Variants in SYT1 observed in about 807,000 individuals in gnomAD.
SYT1 encodes synaptotagmin-1.
A neutral mutation model predicts 44.8 loss-of-function variants in SYT1; 8 were observed. The observed-to-expected ratio is 0.18, with a 90% CI of 0.10 to 0.32. SYT1 has a LOEUF of 0.32. Ranked by LOEUF, SYT1 falls within the 10% of genes least tolerant of loss-of-function variation. SYT1 has a pLI of 1.00. For synonymous variants in SYT1, 154 were observed against 188.8 expected (o/e 0.82, Z 1.51); for missense variants, 286 against 509.3 (o/e 0.56, Z 4.22).
At chr12:78,888,692 G>T (rs1874880330) in intron 1 of SYT1, among the ~76,000 whole-genome samples, 2 of 151,678 alleles carry the variant, frequency 1.3e-5, no homozygotes, top group Non-Finnish European at 1.5e-5. Context: ...ACTTTTTATA[G>T]TTCAGCATAC....
intron 2 of SYT1, among the ~76,000 whole-genome samples, chr12:79,040,244 G>A (rs1292670068): frequency 6.6e-6 from 1 of 150,804 alleles, no homozygotes; most frequent in Non-Finnish European, 1.5e-5. Flanking sequence ...CACCAACAGT[G>A]TAAAAGTGTT....
At chr12:79,044,912 TG>T (rs1328541252) in intron 2 of SYT1, among the ~76,000 whole-genome samples, 4 of 152,172 alleles carry the variant, frequency 2.6e-5, no homozygotes, top group Non-Finnish European at 5.9e-5. Context: ...GTGCCCCTGC[TG>T]GGGGGTGCCT....
At chr12:79,209,929 A>G (rs1874339869) in intron 3 of SYT1, among the ~76,000 whole-genome samples, 1 of 152,212 alleles carries the variant, frequency 6.6e-6, no homozygotes, top group South Asian at 2.1e-4. Flanking sequence ...TTTCTGCATT[A>G]GAAGACTTTT....
intron 1 of SYT1, among the ~76,000 whole-genome samples, chr12:78,875,232 G>A (rs1338780679): frequency 6.6e-6 from 1 of 151,522 alleles, no homozygotes; most frequent in Non-Finnish European, 1.5e-5. Flanking sequence ...TATTTCTTCG[G>A]TAAGTATGAT....
intron 9 of SYT1, among the ~76,000 whole-genome samples, chr12:79,409,947 C>A (rs1276465138): frequency 6.6e-6 from 1 of 152,016 alleles, no homozygotes; most frequent in African/African-American, 2.4e-5. Flanking sequence ...ACTCTGTTCA[C>A]TTCACTTCTA....
intron 7 of SYT1, among the ~76,000 whole-genome samples, chr12:79,298,102 GGTCT>G (rs1458563272): frequency 2.6e-5 from 4 of 152,192 alleles, no homozygotes; most frequent in African/African-American, 7.2e-5. Context: ...TCTGGTACAA[GGTCT>G]GTCTGACCCC....
chr12:78,885,332 G>C (rs1407621967), intron 1 of SYT1, among the ~76,000 whole-genome samples: 1 of 145,856 alleles, frequency 6.9e-6, no homozygotes, highest in Non-Finnish European at 1.5e-5. Flanking sequence ...AGGAAGGAGG[G>C]AAGGAAGAAA....
intron 8 of SYT1, among the ~76,000 whole-genome samples, chr12:79,310,622 T>C (rs1195324525): frequency 1.3e-5 from 2 of 152,054 alleles, no homozygotes; most frequent in African/African-American, 2.4e-5. Context: ...GCCATTTTCA[T>C]GATATTGATT....
chr12:78,913,383 A>G (rs1592552590), intron 1 of SYT1, among the ~76,000 whole-genome samples: 2 of 151,286 alleles, frequency 1.3e-5, no homozygotes, highest in Admixed American at 1.3e-4. Flanking sequence ...TATTTCTTCA[A>G]GAAACAATTT....
intron 9 of SYT1, among the ~76,000 whole-genome samples, chr12:79,378,594 T>C (rs1296655169): frequency 6.6e-6 from 1 of 152,208 alleles, no homozygotes; most frequent in Non-Finnish European, 1.5e-5. Context: ...CAAACTATTC[T>C]GATTCAAGAA....
At chr12:79,360,208 G>T (rs12316770) in intron 9 of SYT1, among the ~76,000 whole-genome samples, 4,997 of 148,680 alleles carry the variant, frequency 0.034, 88 homozygotes, top group Middle Eastern at 0.066. Flanking sequence ...TTTTTTTTTT[G>T]GGTCAGTAAC....
At chr12:79,213,696 G>A (rs756299745) in intron 3 of SYT1, among the ~76,000 whole-genome samples, 5 of 152,124 alleles carry the variant, frequency 3.3e-5, no homozygotes, top group African/African-American at 4.8e-5. Context: ...AGGCCGAAGC[G>A]GGCGGATCAC....
At chr12:79,374,840 C>A (rs959837401) in intron 9 of SYT1, among the ~76,000 whole-genome samples, 2 of 152,188 alleles carry the variant, frequency 1.3e-5, no homozygotes, top group Non-Finnish European at 2.9e-5. Context: ...GAGCTTGGAA[C>A]GAGCTCAGGG....
chr12:79,195,179 G>A (rs113749165), intron 3 of SYT1, among the ~76,000 whole-genome samples: 1,840 of 152,156 alleles, frequency 0.012, 12 homozygotes, highest in Middle Eastern at 0.027. Flanking sequence ...TATATTACAC[G>A]TAGGTGCTGG....
At chr12:79,401,007 A>G (rs933182453) in intron 9 of SYT1, among the ~76,000 whole-genome samples, 2 of 152,230 alleles carry the variant, frequency 1.3e-5, no homozygotes, top group African/African-American at 2.4e-5. Flanking sequence ...ATTGAACAAT[A>G]TGATCTTAAA....
intron 3 of SYT1, among the ~76,000 whole-genome samples, chr12:79,216,819 A>G (rs1384405360): frequency 6.6e-6 from 1 of 152,200 alleles, no homozygotes; most frequent in East Asian, 1.9e-4. Flanking sequence ...GCACCTTGAT[A>G]TATATAGTCA....
chr12:79,036,121 T>A (rs1315084373), intron 2 of SYT1, among the ~76,000 whole-genome samples: 1 of 151,768 alleles, frequency 6.6e-6, no homozygotes, highest in Non-Finnish European at 1.5e-5. Context: ...TAACAACTAC[T>A]CATTTTAAGT....
intron 1 of SYT1, among the ~76,000 whole-genome samples, chr12:78,948,467 T>A (rs1420701252): frequency 6.6e-6 from 1 of 152,046 alleles, no homozygotes; most frequent in Non-Finnish European, 1.5e-5. Flanking sequence ...ATTAGTGATA[T>A]ACATGATACA....
At chr12:79,022,364 A>G (rs1422226578) in intron 2 of SYT1, among the ~76,000 whole-genome samples, 4 of 151,814 alleles carry the variant, frequency 2.6e-5, no homozygotes, top group Non-Finnish European at 5.9e-5. Flanking sequence ...TCAAAGTATG[A>G]TCTGGGTACC....
Sources: gnomAD v4.1 joint callset for allele counts (sites outside exome capture counted in the v4.1 genomes callset) on GRCh38, gnomAD v4.1.1 for gene constraint, MANE v1.5 for transcripts, NCBI Gene and HGNC (gene_info 2026-07-23, HGNC 2026-07-21) for gene names.